SMARCA5: variants seen among roughly 807,000 people sequenced by gnomAD.
The protein encoded by SMARCA5 is SWI/SNF-related matrix-associated actin-dependent regulator of chromatin subfamily A member 5.
In SMARCA5, 18 loss-of-function variants were observed where a neutral mutation model predicts 140.4. That is an observed-to-expected ratio of 0.13 (90% CI 0.09 to 0.19). The LOEUF is 0.19. Among genes scored for constraint, SMARCA5 ranks in the 10% least tolerant of loss-of-function variants. SMARCA5 has a pLI of 1.00. For missense variants in SMARCA5, 606 were observed against 1,276.8 expected, an observed-to-expected ratio of 0.47 and a Z score of 8.01; for synonymous variants, 449 against 419.6, an observed-to-expected ratio of 1.07 and a Z score of -0.86.
Position 143,547,413 on chromosome 4 carries a change from C to G in SMARCA5, c.2682C>G (p.Leu894=), listed in dbSNP as rs899960766. 1.2e-6 allele frequency: 2 copies of G among 1,605,190 alleles called. No homozygotes were observed. Among genetic ancestry groups the G allele is most frequent in the Non-Finnish European group, 1.7e-6 (2 of 1,173,124 alleles). The stretch of plus-strand genomic sequence containing the variant: ...TGTTTTGGGAAAGGTGCAACGAGCT[C>G]CAGGACATAGAGAAGATTATGGCTC... The part of the protein sequence containing the change: ...SAVFWERCNE[L]QDIEKIMAQI... The change falls in exon 21 of 24, where the codon CTC becomes CTG. Residue 894 remains leucine (L), a synonymous_variant. Coordinates refer to ENST00000283131, the MANE Select transcript of SMARCA5 (RefSeq NM_003601.4).
At chr4:143,531,720 A>G (rs532528920) in intron 9 of SMARCA5, among the ~76,000 whole-genome samples, 45 of 152,310 alleles carry the variant, frequency 3.0e-4, no homozygotes, top group African/African-American at 1.1e-3. Flanking sequence ...ACTTCTTCAT[A>G]TATTGAGCTT....
In SMARCA5 at chr4:143,530,453, T is replaced by C. The variant is rs751390545; in HGVS notation, c.1090-5T>C. On this transcript the variant is annotated splice_region_variant and splice_polypyrimidine_tract_variant and intron_variant, in intron 8 of 23. Coordinates refer to ENST00000283131, the MANE Select transcript of SMARCA5 (RefSeq NM_003601.4). ...TCTGAGTATATTTTTTGTTTGTTTA[T>C]CTAGGACTTTGATTCCTGGTTTGAT... is the stretch of plus-strand genomic sequence containing the variant. 4.4e-6 allele frequency: 7 copies of C among 1,607,396 alleles called. No homozygotes were observed. In the South Asian group the frequency reaches 6.6e-5, roughly 15 times the overall value.
chr4:143,540,326 T>G, intron 13 of SMARCA5, 37 bp from the exon 14 acceptor site: 3 of 1,541,882 alleles, frequency 1.9e-6, no homozygotes, highest in Non-Finnish European at 2.6e-6. Flanking sequence ...TATGTGACTT[T>G]TAAACTAAAT....
intron 8 of SMARCA5, among the ~76,000 whole-genome samples, chr4:143,529,622 A>G (rs1456009444): frequency 1.3e-5 from 2 of 152,056 alleles, no homozygotes; most frequent in Non-Finnish European, 2.9e-5. Context: ...TTTTGCCTGG[A>G]CCAGTGTTTA....
intron 23 of SMARCA5, among the ~76,000 whole-genome samples, chr4:143,552,855 A>C (rs550870914): frequency 5.9e-5 from 9 of 151,944 alleles, no homozygotes; most frequent in Non-Finnish European, 1.5e-5. Context: ...CATTTATTTG[A>C]TATTGATCTA....
At chr4:143,521,089 T>G (rs1736948167) in intron 2 of SMARCA5, among the ~76,000 whole-genome samples, 1 of 152,210 alleles carries the variant, frequency 6.6e-6, no homozygotes, top group Admixed American at 6.5e-5. Context: ...CAAATATTTC[T>G]TTAAATACCA....
intron 14 of SMARCA5, among the ~76,000 whole-genome samples, chr4:143,543,174 T>G (rs1737464090): frequency 1.3e-5 from 2 of 152,216 alleles, no homozygotes; most frequent in African/African-American, 4.8e-5. Context: ...CATCAGAAAC[T>G]TGTGTGTATA....
chr4:143,525,643 C>A, intron 5 of SMARCA5, 92 bp downstream of exon 5: 3 of 820,364 alleles, frequency 3.7e-6, no homozygotes, highest in Non-Finnish European at 6.2e-6. Context: ...CAACTGTTAG[C>A]AAATGGATCC....
rs769296046 is a variant in SMARCA5 at position 143,546,015 on chromosome 4, G to A, written c.2488G>A (p.Glu830Lys). The change falls in exon 19 of 24, where the codon GAG (glutamate) becomes AAG (lysine). Residue 830 changes from glutamate to lysine, a missense_variant. Physicochemically the swap from Glu to Lys is moderately conservative, Grantham distance 56. Around this residue, in one of 10 missense-constraint regions of SMARCA5, gnomAD observed 121 missense variants for 227.1 expected, o/e 0.53. Transcript: ENST00000283131. ...TGAAGCTGAATCCCTTAATGATGAA[G>A]AGTTAGAGGAAAAAGAGAAGCTTCT... ...IDEAESLNDE[E>K]LEEKEKLLTQ... 1 of 1,605,812 alleles carries A rather than the reference G, an allele frequency of 6.2e-7. No individual in the cohort carries two copies. The highest frequency in any genetic ancestry group is 2.2e-5 in the East Asian group (1 of 44,786).
intron 9 of SMARCA5, among the ~76,000 whole-genome samples, chr4:143,532,357 C>T (rs1229792000): frequency 6.6e-6 from 1 of 152,006 alleles, no homozygotes; most frequent in Non-Finnish European, 1.5e-5. Context: ...TCCCCTTATT[C>T]CTCTGCTCTT....
chr4:143,546,477 C>G (rs918059318), intron 19 of SMARCA5, among the ~76,000 whole-genome samples: 2 of 152,020 alleles, frequency 1.3e-5, no homozygotes, highest in African/African-American at 4.8e-5. Context: ...TATTTTTGCC[C>G]TTTATGTTAT....
At chr4:143,532,347 T>TC (rs949400508) in intron 9 of SMARCA5, among the ~76,000 whole-genome samples, 2 of 151,836 alleles carry the variant, frequency 1.3e-5, no homozygotes, top group African/African-American at 2.4e-5. Flanking sequence ...TGCATTTTTT[T>TC]CCCCTTATTC....
At chr4:143,539,987 G>T (rs1737396842) in intron 13 of SMARCA5, among the ~76,000 whole-genome samples, 1 of 152,096 alleles carries the variant, frequency 6.6e-6, no homozygotes, top group South Asian at 2.1e-4. Context: ...ATAGTTAATT[G>T]GGTAATATTT....
At chr4:143,545,884 T>C (rs1737513948) in intron 18 of SMARCA5, 41 bp from the exon 19 acceptor site, 1 of 1,577,104 alleles carries the variant, frequency 6.3e-7, no homozygotes, top group East Asian at 2.3e-5. Flanking sequence ...ACATGCTCTT[T>C]AAAATTTACT....
At chr4:143,540,526 G>A in intron 14 of SMARCA5, 31 bp downstream of exon 14, 2 of 1,587,542 alleles carry the variant, frequency 1.3e-6, no homozygotes, top group Non-Finnish European at 1.7e-6. Context: ...ACTTTACCAA[G>A]TTGGATTGAC....
chr4:143,545,876 A>G (rs1489822601), intron 18 of SMARCA5, 49 bp from the exon 19 acceptor site: 1 of 1,552,984 alleles, frequency 6.4e-7, no homozygotes, highest in South Asian at 1.2e-5. Flanking sequence ...GGTTCATCAC[A>G]TGCTCTTTAA....
At chr4:143,532,774 A>G (rs978218134) in intron 9 of SMARCA5, among the ~76,000 whole-genome samples, 16 of 150,300 alleles carry the variant, frequency 1.1e-4, no homozygotes, top group Non-Finnish European at 1.3e-4. Flanking sequence ...ATATTTTATT[A>G]ACAACCCCAG....
chr4:143,544,893 T>C, intron 17 of SMARCA5, 46 bp downstream of exon 17: 2 of 1,027,262 alleles, frequency 1.9e-6, no homozygotes. Flanking sequence ...ATTTTGAAAA[T>C]GTAATTTTTT....
chr4:143,514,349 AT>A lies in SMARCA5; in HGVS notation c.177+251del, dbSNP rs1282236791. 6.3e-6 allele frequency: 3 copies of A among 476,396 alleles called. No individual in the cohort carries two copies. The South Asian group carries it at 9.9e-5, about 16-fold the overall frequency. The allele number at this position is 476,396 out of a possible 1,614,324, so 29.5% of individuals were successfully genotyped here. A position where few individuals can be genotyped will look rare whatever the true frequency, so the allele number is the denominator to read the frequency against. On this transcript the variant is annotated intron_variant, in intron 1 of 23. Coordinates refer to ENST00000283131, the MANE Select transcript of SMARCA5 (RefSeq NM_003601.4). ...GTCTCTTTCGTGAATCCTGACAAAT[AT>A]TTGAACGCTCTCAGTGAACAGATGT...
Sources: allele counts gnomAD v4.1 joint callset (sites outside exome capture counted in the v4.1 genomes callset), GRCh38; gene constraint gnomAD v4.1.1; regional missense constraint gnomAD v4.1.1; transcripts MANE v1.5; gene names NCBI Gene and HGNC (gene_info 2026-07-23, HGNC 2026-07-21).